Variants in GPC6 observed in about 807,000 individuals in gnomAD.
GPC6 encodes glypican 6.
Under a neutral mutation model 55.2 loss-of-function variants are expected in GPC6, and 14 were observed. That is an observed-to-expected ratio of 0.25 (90% CI 0.17 to 0.40). The LOEUF is 0.40. GPC6 is among the 10% of genes least tolerant of loss of function. GPC6 has a pLI of 1.00. For synonymous variants in GPC6, 278 were observed against 259.6 expected, an observed-to-expected ratio of 1.07 and a Z score of -0.68; for missense variants, 641 against 708.5, an observed-to-expected ratio of 0.90 and a Z score of 1.08.
At chr13:93,449,722 G>T (rs574230881) in intron 1 of GPC6, among the ~76,000 whole-genome samples, 1 of 152,094 alleles carries the variant, frequency 6.6e-6, no homozygotes, top group East Asian at 1.9e-4. Context: ...CAGCTACTCG[G>T]GAGGCTGAGG....
chr13:93,594,415 C>T (rs2139512865), intron 2 of GPC6, among the ~76,000 whole-genome samples: 1 of 151,982 alleles, frequency 6.6e-6, no homozygotes, highest in Non-Finnish European at 1.5e-5. Flanking sequence ...TGAGTTATAC[C>T]ATTTTATACT....
chr13:94,119,302 T>C (rs922752151), intron 4 of GPC6, among the ~76,000 whole-genome samples: 1 of 151,924 alleles, frequency 6.6e-6, no homozygotes, highest in Admixed American at 6.6e-5. Flanking sequence ...TGTCAGTTGG[T>C]GATAAGTGCT....
At chr13:94,306,587 T>C (rs1403321974) in intron 6 of GPC6, among the ~76,000 whole-genome samples, 1 of 152,174 alleles carries the variant, frequency 6.6e-6, no homozygotes, top group African/African-American at 2.4e-5. Context: ...AATGTTACTA[T>C]CATTTTTTTT....
At chr13:93,400,263 C>T (rs1044755803) in intron 1 of GPC6, among the ~76,000 whole-genome samples, 3 of 151,116 alleles carry the variant, frequency 2.0e-5, no homozygotes, top group South Asian at 2.1e-4. Flanking sequence ...TTCTTCTTCT[C>T]TTTTGTCCCT....
chr13:94,229,991 G>A (rs1013051837), intron 4 of GPC6, among the ~76,000 whole-genome samples: 6 of 152,162 alleles, frequency 3.9e-5, no homozygotes, highest in African/African-American at 9.7e-5. Flanking sequence ...CAGGGATGGT[G>A]TGGTAGCAGG....
At chr13:93,818,579 C>A (rs1213252030) in intron 2 of GPC6, 1 of 152,184 alleles carries the variant, frequency 6.6e-6, no homozygotes, top group African/African-American at 2.4e-5. Flanking sequence ...CATCGTGGGA[C>A]AAGCCCATTG....
At chr13:93,964,290 T>G (rs1879917629) in intron 3 of GPC6, among the ~76,000 whole-genome samples, 1 of 152,162 alleles carries the variant, frequency 6.6e-6, no homozygotes, top group Non-Finnish European at 1.5e-5. Flanking sequence ...TTGACTAACG[T>G]GGTGGTACTA....
intron 6 of GPC6, among the ~76,000 whole-genome samples, chr13:94,350,360 A>G (rs1256563632): frequency 6.6e-6 from 1 of 152,156 alleles, no homozygotes; most frequent in Non-Finnish European, 1.5e-5. Context: ...AGGCATCAGT[A>G]TGTTTAAAGC....
chr13:94,198,361 A>G (rs1466415320), intron 4 of GPC6, among the ~76,000 whole-genome samples: 2 of 152,192 alleles, frequency 1.3e-5, no homozygotes, highest in African/African-American at 4.8e-5. Context: ...GGGCTAGGTG[A>G]TCTTTTAGGA....
chr13:93,397,077 C>T (rs1177299264), intron 1 of GPC6, among the ~76,000 whole-genome samples: 2 of 152,104 alleles, frequency 1.3e-5, no homozygotes, highest in Non-Finnish European at 2.9e-5. Context: ...CTTTGATAAA[C>T]ATTTATACTT....
rs573302865 is a variant in GPC6 at position 93,606,215 on chromosome 13, C to T, written c.319+60794C>T. ...AATAAAATGGAATGTAGAATGAGTGCACGGACAATGGACTCCATTTGAATC... is the reference window on the plus strand; with the variant it reads ...AATAAAATGGAATGTAGAATGAGTGTACGGACAATGGACTCCATTTGAATC... On this transcript the variant is annotated intron_variant, in intron 2 of 8. Transcript: ENST00000377047. Among the ~76,000 whole-genome samples, 10 of 152,248 alleles carry T rather than the reference C, an allele frequency of 6.6e-5. 1 individual carries two copies. The East Asian group carries it at 1.9e-3, about 29-fold the overall frequency.
At chr13:93,558,891 C>T (rs1405212549) in intron 2 of GPC6, among the ~76,000 whole-genome samples, 2 of 152,242 alleles carry the variant, frequency 1.3e-5, no homozygotes, top group South Asian at 4.1e-4. Context: ...TTGTATAACA[C>T]TATTTTTAAA....
intron 3 of GPC6, among the ~76,000 whole-genome samples, chr13:93,907,319 T>A (rs1419112529): frequency 6.6e-6 from 1 of 152,174 alleles, no homozygotes; most frequent in Admixed American, 6.5e-5. Flanking sequence ...CATAATGTGG[T>A]GCAAAAATAA....
intron 3 of GPC6, among the ~76,000 whole-genome samples, chr13:93,838,903 G>C (rs1292801775): frequency 6.6e-6 from 1 of 152,170 alleles, no homozygotes; most frequent in East Asian, 1.9e-4. Flanking sequence ...ATAAATGTTT[G>C]TTGGCAAAGG....
At chr13:94,082,330 TC>T (rs1429955025) in intron 4 of GPC6, among the ~76,000 whole-genome samples, 3 of 152,222 alleles carry the variant, frequency 2.0e-5, no homozygotes, top group African/African-American at 7.2e-5. Context: ...CTTCATAGTT[TC>T]CCTATTTCAG....
intron 4 of GPC6, among the ~76,000 whole-genome samples, chr13:94,064,715 C>A (rs903328918): frequency 6.6e-6 from 1 of 152,044 alleles, no homozygotes; most frequent in African/African-American, 2.4e-5. Context: ...TTAAAACACT[C>A]AAATCTAGGG....
At chr13:94,056,387 GATTA>G (rs1189050072) in intron 4 of GPC6, among the ~76,000 whole-genome samples, 2 of 152,072 alleles carry the variant, frequency 1.3e-5, no homozygotes, top group Admixed American at 6.6e-5. Flanking sequence ...GTTACTCAAG[GATTA>G]ATTAAACTGA....
intron 2 of GPC6, among the ~76,000 whole-genome samples, chr13:93,584,684 GT>G (rs779571682): frequency 0.013 from 1,202 of 95,548 alleles, 2 homozygotes; most frequent in African/African-American, 0.038. Flanking sequence ...CCTTCTGAAA[GT>G]TTTTTTTTTT....
At chr13:94,286,273 T>C (rs1442766468) in intron 4 of GPC6, 76 bp from the exon 5 acceptor site, 3 of 1,503,936 alleles carry the variant, frequency 2.0e-6, no homozygotes, top group Non-Finnish European at 2.8e-6. Flanking sequence ...TCCAGTTGTT[T>C]TAACAATGTT....
Sources: gnomAD v4.1 joint callset for allele counts (sites outside exome capture counted in the v4.1 genomes callset) on GRCh38, gnomAD v4.1.1 for gene constraint, MANE v1.5 for transcripts, NCBI Gene and HGNC (gene_info 2026-07-23, HGNC 2026-07-21) for gene names.